The following IRS1 variants were observed in gnomAD, a reference collection of about 807,000 sequenced individuals.
IRS1 encodes the protein insulin receptor substrate 1.
In IRS1, 34 loss-of-function variants were observed where a neutral mutation model predicts 65.6. That is an observed-to-expected ratio of 0.52 (90% CI 0.39 to 0.69). IRS1 has a LOEUF of 0.69. Among genes scored for constraint, IRS1 ranks in the 30% least tolerant of loss-of-function variants. IRS1 has a pLI of 0.00. For synonymous variants in IRS1, 699 were observed against 683.5 expected, an observed-to-expected ratio of 1.02 and a Z score of -0.35; for missense variants, 1,641 against 1,720.2, an observed-to-expected ratio of 0.95 and a Z score of 0.81.
In IRS1 at chr2:226,799,021, A is replaced by T; in HGVS notation, c.-283T>A. 1 of 1,400,906 alleles carries T rather than the reference A, an allele frequency of 7.1e-7. No homozygotes were observed. Among genetic ancestry groups the T allele is most frequent in the Non-Finnish European group, 9.3e-7 (1 of 1,071,630 alleles). The allele number at this position is 1,400,906 out of a possible 1,614,324, so 86.8% of individuals were successfully genotyped here. ...GGGCAGCCCCGATCCTCCGAGAGCCAAGTCTCCTCTCAGCCGCCGCCGCCA... is the reference window on the plus strand; with the variant it reads ...GGGCAGCCCCGATCCTCCGAGAGCCTAGTCTCCTCTCAGCCGCCGCCGCCA... On this transcript the variant is annotated 5_prime_UTR_variant, in exon 1 of 2. Transcript: ENST00000305123. The surrounding 1 kb of genome is among the most constrained non-coding windows in gnomAD (Gnocchi z 6.1).
chr2:226,761,336 G>A (rs1178913516), intron 1 of IRS1, among the ~76,000 whole-genome samples: 1 of 152,074 alleles, frequency 6.6e-6, no homozygotes, highest in Non-Finnish European at 1.5e-5. Context: ...GGTTTTGAGA[G>A]GACAACTACA....
At chr2:226,769,904 G>A (rs998994475) in intron 1 of IRS1, among the ~76,000 whole-genome samples, 4 of 152,156 alleles carry the variant, frequency 2.6e-5, no homozygotes, top group East Asian at 1.9e-4. Context: ...AAGTATGGCC[G>A]TTCAAGTCTT....
chr2:226,767,686 C>T (rs1337712212), intron 1 of IRS1, among the ~76,000 whole-genome samples: 3 of 152,270 alleles, frequency 2.0e-5, no homozygotes, highest in Admixed American at 6.5e-5. Context: ...TGCAGCCTGC[C>T]GCTGTGGCAA....
At position 226,794,931 on chromosome 2, in the gene IRS1, A is replaced by G; in HGVS notation, c.*21+58T>C. The G allele has an allele frequency of 6.9e-7, 1 of 1,456,772 alleles. No homozygotes were observed. Among genetic ancestry groups the G allele is most frequent in the Non-Finnish European group, 9.6e-7 (1 of 1,041,124 alleles). 90.2% of individuals were successfully genotyped at this position (1,456,772 alleles called of 1,614,324 possible). A position where few individuals can be genotyped will look rare whatever the true frequency, so the allele number is the denominator to read the frequency against. ...GGAAGGGGCAGAGGCGAAGAACAGAATTCAAGGACAAGGTTAAAAGCAGTT... is the reference window on the plus strand; with the variant it reads ...GGAAGGGGCAGAGGCGAAGAACAGAGTTCAAGGACAAGGTTAAAAGCAGTT... On this transcript the variant is annotated intron_variant, in intron 1 of 1. Coordinates refer to ENST00000305123, the MANE Select transcript of IRS1 (RefSeq NM_005544.3). This position sits in a 1 kb window ranked among gnomAD's most constrained non-coding sequence, Gnocchi z 4.1.
Position 226,756,168 on chromosome 2 carries a change from G to T in IRS1, c.*22-19918C>A, listed in dbSNP as rs111278270. Among the ~76,000 whole-genome samples, 1,260 of 152,170 alleles carry T rather than the reference G, an allele frequency of 8.3e-3. 19 individuals are homozygous for T. The highest frequency in any genetic ancestry group is 0.029 in the African/African-American group (1,189 of 41,504). ...AGTTCAGGCAGATACAAGATTTAGG[G>T]GCCCTGAATTATCATTAAGAAAGCA... On this transcript the variant is annotated intron_variant, in intron 1 of 1. Coordinates refer to ENST00000305123, the MANE Select transcript of IRS1 (RefSeq NM_005544.3).
chr2:226,750,459 C>A (rs1313224130), intron 1 of IRS1, among the ~76,000 whole-genome samples: 1 of 151,964 alleles, frequency 6.6e-6, no homozygotes, highest in Non-Finnish European at 1.5e-5. Context: ...AGATTCTTAG[C>A]TGCCAAATCA....
Position 226,795,674 on chromosome 2 carries a change from T to C in IRS1, c.3065A>G (p.Glu1022Gly), listed in dbSNP as rs768153308. 1 of 1,613,204 alleles carries C rather than the reference T, an allele frequency of 6.2e-7. No individual in the cohort carries two copies. Among genetic ancestry groups the C allele is most frequent in the Non-Finnish European group, 8.5e-7 (1 of 1,179,980 alleles). The change falls in exon 1 of 2, where the codon GAG (glutamate) becomes GGG (glycine). Residue 1022 changes from glutamate to glycine, a missense_variant. Around this residue, in one of 3 missense-constraint regions of IRS1, gnomAD observed 1,324 missense variants for 1,361.0 expected, o/e 0.97. Coordinates refer to ENST00000305123, the MANE Select transcript of IRS1 (RefSeq NM_005544.3). ...YADMRTGIAA[E>G]EVSLPRATMA... ...GGTGGCCCTGGGCAGGCTCACCTCCTCTGCAGCAATGCCTGTTCGCATGTC... is the reference window on the plus strand; with the variant it reads ...GGTGGCCCTGGGCAGGCTCACCTCCCCTGCAGCAATGCCTGTTCGCATGTC...
intron 1 of IRS1, among the ~76,000 whole-genome samples, chr2:226,741,264 T>A (rs1182678612): frequency 6.6e-6 from 1 of 152,152 alleles, no homozygotes; most frequent in African/African-American, 2.4e-5. Flanking sequence ...TGAGAAAAAT[T>A]TTTGAAATGT....
intron 1 of IRS1, among the ~76,000 whole-genome samples, chr2:226,778,323 C>T (rs1226903283): frequency 2.0e-5 from 3 of 152,036 alleles, no homozygotes; most frequent in South Asian, 2.1e-4. Context: ...TTTAAGTTAG[C>T]GATAAAGGAA....
At position 226,797,143 on chromosome 2, in the gene IRS1, A is replaced by G. The variant is rs775527628; in HGVS notation, c.1596T>C (p.Pro532=). 4 of 1,613,850 alleles carry G rather than the reference A, an allele frequency of 2.5e-6. No homozygotes were observed. The East Asian group carries it at 8.9e-5, about 36-fold the overall frequency. ...RKRTHSAGTS[P]TITHQKTPSQ... ...ACGGGGTCTTCTGGTGGGTAATGGTAGGGGATGTGCCTGCCGAGTGAGTTC... is the reference window on the plus strand; with the variant it reads ...ACGGGGTCTTCTGGTGGGTAATGGTGGGGGATGTGCCTGCCGAGTGAGTTC... The change falls in exon 1 of 2, where the codon CCT becomes CCC. Residue 532 remains proline, a synonymous_variant. Coordinates refer to ENST00000305123, the MANE Select transcript of IRS1 (RefSeq NM_005544.3). This position sits in a 1 kb window ranked among gnomAD's most constrained non-coding sequence, Gnocchi z 8.1.
chr2:226,799,305 G>A lies in IRS1; in HGVS notation c.-567C>T. The A allele has an allele frequency of 1.7e-6, 2 of 1,201,622 alleles. No individual in the cohort carries two copies. The highest frequency in any genetic ancestry group is 1.7e-5 in the African/African-American group (1 of 60,564). The allele number at this position is 1,201,622 out of a possible 1,614,324, so 74.4% of individuals were successfully genotyped here. ...CTCCCACCCCCCAACCGTCCCAGCC[G>A]CCACCAGCCGCCCAAATACCAGCTC... On this transcript the variant is annotated 5_prime_UTR_variant, in exon 1 of 2. Coordinates refer to ENST00000305123, the MANE Select transcript of IRS1 (RefSeq NM_005544.3). This position sits in a 1 kb window ranked among gnomAD's most constrained non-coding sequence, Gnocchi z 6.1.
chr2:226,748,442 A>G (rs1938602163), intron 1 of IRS1, among the ~76,000 whole-genome samples: 1 of 151,788 alleles, frequency 6.6e-6, no homozygotes, highest in African/African-American at 2.4e-5. Flanking sequence ...AAAAAAAAAA[A>G]AAAAAAAACC....
chr2:226,740,891 T>C (rs1447129216), intron 1 of IRS1, among the ~76,000 whole-genome samples: 2 of 152,288 alleles, frequency 1.3e-5, no homozygotes, highest in East Asian at 3.9e-4. Flanking sequence ...TGAAATCTTA[T>C]ATTGTAGATG....
chr2:226,744,893 A>G (rs1239229187), intron 1 of IRS1, among the ~76,000 whole-genome samples: 1 of 152,106 alleles, frequency 6.6e-6, no homozygotes, highest in Non-Finnish European at 1.5e-5. Context: ...CAGGGGGAAA[A>G]CGTTGAGAAG....
chr2:226,771,098 G>A (rs922206079), intron 1 of IRS1, among the ~76,000 whole-genome samples: 5 of 152,130 alleles, frequency 3.3e-5, no homozygotes, highest in Admixed American at 1.3e-4. Flanking sequence ...ACGGAAGAAC[G>A]TTGGTAGTGT....
intron 1 of IRS1, among the ~76,000 whole-genome samples, chr2:226,760,619 C>T (rs754250044): frequency 6.6e-6 from 1 of 152,098 alleles, no homozygotes; most frequent in Non-Finnish European, 1.5e-5. Context: ...CCCTCAACCC[C>T]ACCCCCCTCC....
At chr2:226,788,814 C>T (rs1939535938) in intron 1 of IRS1, among the ~76,000 whole-genome samples, 1 of 152,116 alleles carries the variant, frequency 6.6e-6, no homozygotes, top group African/African-American at 2.4e-5. Context: ...AATATGATTA[C>T]ACTTTCTGAA....
chr2:226,771,804 C>A (rs1396934753), intron 1 of IRS1, among the ~76,000 whole-genome samples: 1 of 152,046 alleles, frequency 6.6e-6, no homozygotes, highest in Admixed American at 6.6e-5. Context: ...CCCAGTCATA[C>A]TTTTATTTTC....
Position 226,745,336 on chromosome 2 carries a change from A to G in IRS1, c.*22-9086T>C, listed in dbSNP as rs185582353. Among the ~76,000 whole-genome samples the G allele has an allele frequency of 2.0e-3, 305 of 152,338 alleles. 1 individual carries two copies. Among genetic ancestry groups the G allele is most frequent in the Middle Eastern group, 3.4e-3 (1 of 294 alleles). On this transcript the variant is annotated intron_variant, in intron 1 of 1. Transcript: ENST00000305123. ...TCTGAGTGACAAGTGAGTAACCTGT[A>G]TGCGATTTTGAATTAAAAAATGTAC...
Sources: gnomAD v4.1 joint callset for allele counts (sites outside exome capture counted in the v4.1 genomes callset) on GRCh38, gnomAD v4.1.1 for gene constraint, gnomAD v4.1.1 regional missense constraint, Gnocchi (gnomAD v3.1) non-coding constraint, MANE v1.5 for transcripts, NCBI Gene and HGNC (gene_info 2026-07-23, HGNC 2026-07-21) for gene names.